The following GUSB variants were observed in gnomAD, a reference collection of about 807,000 sequenced individuals.
GUSB encodes beta-glucuronidase.
GUSB carries 51 observed loss-of-function variants against 74.6 expected under a neutral mutation model. The observed-to-expected ratio is 0.68, with a 90% CI of 0.55 to 0.86. The LOEUF (loss-of-function observed/expected upper bound fraction) is 0.86, where lower values mean the gene tolerates loss of function less well. Ranked by LOEUF, GUSB falls within the 40% of genes least tolerant of loss-of-function variation. The pLI is 0.00. For missense variants in GUSB, 736 were observed against 853.7 expected, an observed-to-expected ratio of 0.86 and a Z score of 1.72; for synonymous variants, 360 against 348.3, an observed-to-expected ratio of 1.03 and a Z score of -0.37.
At chr7:65,968,877 A>G (rs1791016596) in intron 9 of GUSB, among the ~76,000 whole-genome samples, 1 of 152,154 alleles carries the variant, frequency 6.6e-6, no homozygotes, top group Non-Finnish European at 1.5e-5. Flanking sequence ...GTAAGCCACC[A>G]TGCCCGGCTG....
In GUSB at chr7:65,979,810, G is replaced by C. The variant is rs773134072; in HGVS notation, c.498C>G (p.Leu166=). ...LVQVGPLPSR[L]RITIAINNTL... ...TGTTGTTGATGGCGATAGTGATTCGGAGCCGGGAGGGCAGGGGCCCCACCT... is the reference window on the plus strand; with the variant it reads ...TGTTGTTGATGGCGATAGTGATTCGCAGCCGGGAGGGCAGGGGCCCCACCT... The change falls in exon 3 of 12, where the codon CTC becomes CTG. Residue 166 remains leucine (L), a synonymous_variant. Coordinates refer to ENST00000304895, the MANE Select transcript of GUSB (RefSeq NM_000181.4). The C allele has an allele frequency of 6.2e-7, 1 of 1,613,802 alleles. No homozygotes were observed. The highest frequency in any genetic ancestry group is 1.1e-5 in the South Asian group (1 of 91,086).
At chr7:65,970,040 G>A (rs1365176173) in intron 9 of GUSB, among the ~76,000 whole-genome samples, 2 of 152,186 alleles carry the variant, frequency 1.3e-5, no homozygotes, top group African/African-American at 2.4e-5. Context: ...GGGGTGTGGT[G>A]GCCCACACCT....
At chr7:65,971,198 G>A (rs558020570) in intron 8 of GUSB, among the ~76,000 whole-genome samples, 2 of 152,310 alleles carry the variant, frequency 1.3e-5, no homozygotes, top group South Asian at 4.1e-4. Flanking sequence ...AATGCATCAA[G>A]CAAACGGAGT....
rs755795388 is a variant in GUSB, at chr7:65,982,185, C to A, written c.-2G>T. On this transcript the variant is annotated 5_prime_UTR_variant, in exon 1 of 12. Transcript: ENST00000304895. The stretch of plus-strand genomic sequence containing the variant: ...GGCAACCGCCGACCCCCGGGCCATG[C>A]TTCCCGGTCCCCCGCTCGGCCACCG... 10 of 1,507,164 alleles carry A rather than the reference C, an allele frequency of 6.6e-6. No individual in the cohort carries two copies. The highest frequency in any genetic ancestry group is 8.9e-6 in the Non-Finnish European group (10 of 1,127,758). 93.4% of individuals were successfully genotyped at this position (1,507,164 alleles called of 1,614,324 possible). A position where few individuals can be genotyped will look rare whatever the true frequency, so the allele number is the denominator to read the frequency against.
At chr7:65,978,168 C>T (rs1791718232) in intron 4 of GUSB, among the ~76,000 whole-genome samples, 1 of 152,032 alleles carries the variant, frequency 6.6e-6, no homozygotes, top group South Asian at 2.1e-4. Flanking sequence ...TTCTTAAATA[C>T]AGACCGAGCG....
At chr7:65,961,144 G>T in intron 11 of GUSB, 81 bp from the exon 12 acceptor site, 2 of 1,324,432 alleles carry the variant, frequency 1.5e-6, no homozygotes, top group Non-Finnish European at 2.2e-6. Context: ...AGCTAAGGTA[G>T]GCACTAAATA....
In GUSB at chr7:65,982,015, G is replaced by A. The variant is rs772676579; in HGVS notation, c.169C>T (p.Arg57Trp). 5.0e-6 allele frequency: 8 copies of A among 1,609,872 alleles called. No individual in the cohort carries two copies. The African/African-American group carries it at 9.4e-5, about 19-fold the overall frequency. The change falls in exon 1 of 12, where the codon CGG becomes TGG. Residue 57 changes from arginine to tryptophan, a missense_variant. By Grantham distance (101) the Arg-to-Trp change is moderately radical. Around this residue, in one of 2 missense-constraint regions of GUSB, gnomAD observed 368 missense variants for 363.8 expected, o/e 1.01. Coordinates refer to ENST00000304895, the MANE Select transcript of GUSB (RefSeq NM_000181.4). ...CGGTACCACTGCTCCTCGAAGCCCCGGCGTCGGTTGTCAGAGAAGTCGGCG... is the reference window on the plus strand; with the variant it reads ...CGGTACCACTGCTCCTCGAAGCCCCAGCGTCGGTTGTCAGAGAAGTCGGCG... ...FRADFSDNRR[R>W]GFEEQWYRRP...
chr7:65,966,340 C>T (rs1461003662), intron 10 of GUSB, among the ~76,000 whole-genome samples: 1 of 152,008 alleles, frequency 6.6e-6, no homozygotes, highest in Non-Finnish European at 1.5e-5. Context: ...GGTGGCTGTT[C>T]CCTGTGTGTC....
chr7:65,962,276 G>T (rs1443257034), intron 11 of GUSB, among the ~76,000 whole-genome samples: 1 of 152,188 alleles, frequency 6.6e-6, no homozygotes, highest in African/African-American at 2.4e-5. Context: ...TGGTCATTAG[G>T]CCTGAGCTGA....
Position 65,974,568 on chromosome 7 carries a change from A to G in GUSB, c.1202T>C (p.Ile401Thr). Residue 401 changes from isoleucine (I) to threonine (T), a missense_variant, in exon 7 of 12, where the codon ATT becomes ACT. This residue lies in a region of GUSB where 368 missense variants were observed against 489.9 expected (regional missense o/e 0.75). Coordinates refer to ENST00000304895, the MANE Select transcript of GUSB (RefSeq NM_000181.4). ...EVMQMCDRYGIVVIDECPGVG... is the reference protein window; with the variant it reads ...EVMQMCDRYGTVVIDECPGVG... ...GCCGGGACACTCATCGATGACCACA[A>G]TCCCATAGCGGTCACACATCTGCAT... 2 of 1,614,182 alleles carry G rather than the reference A, an allele frequency of 1.2e-6. No homozygotes were observed. Among genetic ancestry groups the G allele is most frequent in the Non-Finnish European group, 1.7e-6 (2 of 1,180,026 alleles).
intron 10 of GUSB, among the ~76,000 whole-genome samples, chr7:65,966,308 C>CACA (rs1286958943): frequency 2.6e-5 from 4 of 152,046 alleles, no homozygotes; most frequent in Non-Finnish European, 5.9e-5. Context: ...AGGGTGCAAA[C>CACA]AGAACAGCGC....
chr7:65,967,264 G>A (rs552855471), intron 10 of GUSB, among the ~76,000 whole-genome samples: 1 of 152,282 alleles, frequency 6.6e-6, no homozygotes, highest in African/African-American at 2.4e-5. Flanking sequence ...AGACCAGTCT[G>A]GGCAACATGG....
intron 8 of GUSB, 148 bp downstream of exon 8, chr7:65,974,147 T>G: frequency 1.4e-6 from 1 of 727,824 alleles, no homozygotes; most frequent in African/African-American, 1.8e-5. Flanking sequence ...GGTGGGTAGA[T>G]ATTTGGTCCC....
rs369415664 is a variant in GUSB at position 65,964,128 on chromosome 7, G to A, written c.1789+195C>T. 135 of 641,810 alleles carry A rather than the reference G, an allele frequency of 2.1e-4. 1 individual carries two copies. The highest frequency in any genetic ancestry group is 2.0e-3 in the African/African-American group (108 of 55,278). The allele number at this position is 641,810 out of a possible 1,614,324, so 39.8% of individuals were successfully genotyped here. A position where few individuals can be genotyped will look rare whatever the true frequency, so the allele number is the denominator to read the frequency against. On this transcript the variant is annotated intron_variant, in intron 11 of 11. Transcript: ENST00000304895. ...TGCTTTTTGACCGTATTTGGGAGGC[G>A]GGGGCCTGATTGCTTTCCTACTTCC...
At chr7:65,977,816 A>T (rs1007081518) in intron 4 of GUSB, among the ~76,000 whole-genome samples, 9 of 151,612 alleles carry the variant, frequency 5.9e-5, no homozygotes, top group South Asian at 4.2e-4. Context: ...ATATTTTTTT[A>T]TTTTTATTTT....
chr7:65,968,014 C>A, intron 9 of GUSB, 107 bp from the exon 10 acceptor site: 1 of 925,442 alleles, frequency 1.1e-6, no homozygotes, highest in Non-Finnish European at 1.7e-6. Context: ...GGATGTAATC[C>A]CAGCACTCTG....
In GUSB at chr7:65,960,781, A is replaced by C. The variant is rs1043928320; in HGVS notation, c.*116T>G. The C allele has an allele frequency of 1.2e-6, 1 of 854,398 alleles. No homozygotes were observed. Among genetic ancestry groups the C allele is most frequent in the Non-Finnish European group, 2.0e-6 (1 of 492,028 alleles). 52.9% of individuals were successfully genotyped at this position (854,398 alleles called of 1,614,324 possible). A position where few individuals can be genotyped will look rare whatever the true frequency, so the allele number is the denominator to read the frequency against. On this transcript the variant is annotated 3_prime_UTR_variant, in exon 12 of 12. Transcript: ENST00000304895. ...CCCTGCTAGAATAGATGACCACAAA[A>C]CCCAGGCCAGAAACGTTCTGGTCTG... is the stretch of plus-strand genomic sequence containing the variant.
intron 4 of GUSB, among the ~76,000 whole-genome samples, chr7:65,977,488 C>T (rs998037429): frequency 6.6e-6 from 1 of 152,048 alleles, no homozygotes; most frequent in African/African-American, 2.4e-5. Context: ...CAATAAATTG[C>T]TCTATGGTGC....
chr7:65,966,131 C>T (rs879805876), intron 10 of GUSB, among the ~76,000 whole-genome samples: 25 of 151,840 alleles, frequency 1.6e-4, no homozygotes, highest in Non-Finnish European at 2.8e-4. Context: ...GATCGCGCCA[C>T]TGCACTCCAG....
Sources: allele counts gnomAD v4.1 joint callset (sites outside exome capture counted in the v4.1 genomes callset), GRCh38; gene constraint gnomAD v4.1.1; regional missense constraint gnomAD v4.1.1; transcripts MANE v1.5; gene names NCBI Gene and HGNC (gene_info 2026-07-23, HGNC 2026-07-21).